Variants in STXBP4 observed in about 807,000 individuals in gnomAD.
STXBP4 encodes syntaxin-binding protein 4.
A neutral mutation model predicts 76.1 loss-of-function variants in STXBP4; 55 were observed. The observed-to-expected ratio is 0.72, with a 90% CI of 0.58 to 0.91. STXBP4 has a LOEUF of 0.91. Ranked by LOEUF, STXBP4 falls within the 40% of genes least tolerant of loss-of-function variation. The probability of loss-of-function intolerance (pLI) is 0.00; values close to 1 mark genes in which losing one functional copy is unlikely to be tolerated. For missense variants in STXBP4, 618 were observed against 636.9 expected, an observed-to-expected ratio of 0.97 and a Z score of 0.32; for synonymous variants, 201 against 220.2, an observed-to-expected ratio of 0.91 and a Z score of 0.77.
chr17:55,059,324 A>G (rs2078968780), intron 12 of STXBP4, among the ~76,000 whole-genome samples: 1 of 152,176 alleles, frequency 6.6e-6, no homozygotes, highest in African/African-American at 2.4e-5. Flanking sequence ...CACTGGCCAC[A>G]TCAGTTACGT....
rs541291608 is a variant in STXBP4, at chr17:54,978,127, A to T, written c.-156-7487A>T. Among the ~76,000 whole-genome samples, 47 of 152,320 alleles carry T rather than the reference A, an allele frequency of 3.1e-4. 1 individual carries two copies. The highest frequency in any genetic ancestry group is 6.8e-3 in the Middle Eastern group (2 of 294). On this transcript the variant is annotated intron_variant, in intron 1 of 17. Coordinates refer to ENST00000376352, the MANE Select transcript of STXBP4 (RefSeq NM_178509.6). The stretch of plus-strand genomic sequence containing the variant: ...TTTAAAAAGAAAATCGTTCCCTCAA[A>T]AAACATTGGGAGACTTGTAGTTTAA...
intron 12 of STXBP4, among the ~76,000 whole-genome samples, chr17:55,054,560 T>C (rs1456865276): frequency 2.6e-5 from 4 of 152,194 alleles, no homozygotes; most frequent in African/African-American, 7.2e-5. Context: ...TTTGGAGTTA[T>C]ACCTTTGGTT....
intron 16 of STXBP4, among the ~76,000 whole-genome samples, chr17:55,111,802 T>C (rs1384206488): frequency 6.6e-6 from 1 of 152,212 alleles, no homozygotes; most frequent in Non-Finnish European, 1.5e-5. Context: ...TATTCCTTTA[T>C]AGCAACACAA....
chr17:55,093,000 T>C (rs1448621285), intron 16 of STXBP4, among the ~76,000 whole-genome samples: 1 of 151,994 alleles, frequency 6.6e-6, no homozygotes, highest in Admixed American at 6.6e-5. Context: ...TGTTTTTTGT[T>C]TTTTGTTTTT....
chr17:55,126,195 C>G (rs1266407937), intron 16 of STXBP4, among the ~76,000 whole-genome samples: 1 of 152,116 alleles, frequency 6.6e-6, no homozygotes, highest in African/African-American at 2.4e-5. Context: ...TCCCAAATTA[C>G]TCAGTGTGAA....
chr17:55,185,189 TTTCTTCTTC>T, the STXBP4 span, among the ~76,000 whole-genome samples: 398 of 87,706 alleles, frequency 4.5e-3, 4 homozygotes, highest in Middle Eastern at 0.017. Flanking sequence ...TCTTCTTCTT[TTTCTTCTTC>T]TTCTTCTTCT....
chr17:55,209,811 CCCA>C, the STXBP4 span, among the ~76,000 whole-genome samples: 1 of 152,140 alleles, frequency 6.6e-6, no homozygotes, highest in Non-Finnish European at 1.5e-5. Context: ...GGCTCTGCAT[CCCA>C]CCATTTACTT....
At chr17:55,212,206 T>C in the STXBP4 span, among the ~76,000 whole-genome samples, 1 of 152,140 alleles carries the variant, frequency 6.6e-6, no homozygotes, top group African/African-American at 2.4e-5. Flanking sequence ...TTTCATGTTA[T>C]GTGACCCTGG....
At chr17:55,031,352 TAGA>T in intron 9 of STXBP4, 88 bp downstream of exon 9, 3 of 1,073,810 alleles carry the variant, frequency 2.8e-6, no homozygotes, top group South Asian at 2.9e-5. Flanking sequence ...GTTTGTTCTT[TAGA>T]AGGAGAGAAT....
At chr17:54,977,409 A>G (rs1294468067) in intron 1 of STXBP4, among the ~76,000 whole-genome samples, 1 of 152,208 alleles carries the variant, frequency 6.6e-6, no homozygotes, top group Non-Finnish European at 1.5e-5. Flanking sequence ...AATATAGCAT[A>G]ACATATTTAC....
chr17:55,151,689 A>G (rs571335632), intron 17 of STXBP4, among the ~76,000 whole-genome samples: 18 of 152,202 alleles, frequency 1.2e-4, no homozygotes, highest in Non-Finnish European at 1.9e-4. Context: ...GGGAAGCGTG[A>G]GCTGTTAGCC....
chr17:55,178,172 G>C (rs1210809266), downstream of STXBP4, among the ~76,000 whole-genome samples: 1 of 152,160 alleles, frequency 6.6e-6, no homozygotes, highest in Non-Finnish European at 1.5e-5. Flanking sequence ...TCTAAATTTT[G>C]TTAACACAAA....
At chr17:55,120,653 T>C (rs1030119627) in intron 16 of STXBP4, among the ~76,000 whole-genome samples, 1 of 152,174 alleles carries the variant, frequency 6.6e-6, no homozygotes, top group Non-Finnish European at 1.5e-5. Flanking sequence ...TGGGTAAAAA[T>C]GGAACTTCTG....
At chr17:55,055,533 T>C (rs1213493356) in intron 12 of STXBP4, among the ~76,000 whole-genome samples, 1 of 152,172 alleles carries the variant, frequency 6.6e-6, no homozygotes, top group Non-Finnish European at 1.5e-5. Context: ...CTGTCTAATC[T>C]GAACAAAGCA....
intron 7 of STXBP4, among the ~76,000 whole-genome samples, chr17:55,002,199 T>C (rs966490677): frequency 5.3e-5 from 8 of 152,154 alleles, no homozygotes; most frequent in East Asian, 1.9e-4. Flanking sequence ...AGCATCAAAA[T>C]TGCTAGATGA....
intron 4 of STXBP4, chr17:54,991,913 T>A (rs1316174031): frequency 6.6e-6 from 1 of 151,984 alleles, no homozygotes; most frequent in Non-Finnish European, 1.5e-5. Context: ...AAATAAACAG[T>A]CCTACTACTT....
At position 54,978,284 on chromosome 17, in the gene STXBP4, A is replaced by G. The variant is rs1292412315; in HGVS notation, c.-156-7330A>G. Among the ~76,000 whole-genome samples, 3 of 152,200 alleles carry G rather than the reference A, an allele frequency of 2.0e-5. No homozygotes were observed. In the East Asian group the frequency reaches 5.8e-4, roughly 29 times the overall value. On this transcript the variant is annotated intron_variant, in intron 1 of 17. Transcript: ENST00000376352. ...AGTGGCTGCTCAAAGTCATATGTCTAGTGGGCATCTACCCTCTGGACTGGT... is the reference window on the plus strand; with the variant it reads ...AGTGGCTGCTCAAAGTCATATGTCTGGTGGGCATCTACCCTCTGGACTGGT...
intron 1 of STXBP4, among the ~76,000 whole-genome samples, chr17:54,979,786 A>C (rs2077523738): frequency 6.6e-6 from 1 of 152,210 alleles, no homozygotes; most frequent in African/African-American, 2.4e-5. Context: ...CACTGGTATC[A>C]TACTGTCCTT....
At chr17:55,118,944 A>T (rs915230805) in intron 16 of STXBP4, among the ~76,000 whole-genome samples, 5 of 146,886 alleles carry the variant, frequency 3.4e-5, no homozygotes, top group South Asian at 2.3e-4. Context: ...TAACTGATTT[A>T]TATATATATA....
Sources: gnomAD v4.1 joint callset for allele counts (sites outside exome capture counted in the v4.1 genomes callset) on GRCh38, gnomAD v4.1.1 for gene constraint, MANE v1.5 for transcripts, NCBI Gene and HGNC (gene_info 2026-07-23, HGNC 2026-07-21) for gene names.